The following TENM2 variants were observed in gnomAD, a reference collection of about 807,000 sequenced individuals.
TENM2 encodes the protein teneurin transmembrane protein 2.
In TENM2, 52 loss-of-function variants were observed where a neutral mutation model predicts 245.2. The observed-to-expected ratio is 0.21, with a 90% confidence interval of 0.17 to 0.27. TENM2 has a LOEUF of 0.27. Ranked by LOEUF, TENM2 falls within the 10% of genes least tolerant of loss-of-function variation. The probability of loss-of-function intolerance (pLI) is 1.00; values close to 1 mark genes in which losing one functional copy is unlikely to be tolerated. For synonymous variants in TENM2, 1,363 were observed against 1,438.9 expected, an observed-to-expected ratio of 0.95 and a Z score of 1.19; for missense variants, 3,046 against 3,666.8, an observed-to-expected ratio of 0.83 and a Z score of 4.37.
chr5:167,085,643 C>T, the TENM2 span, among the ~76,000 whole-genome samples: 2 of 152,142 alleles, frequency 1.3e-5, no homozygotes, highest in African/African-American at 2.4e-5. Context: ...AAGGATACAT[C>T]ACTGCAAAAG....
chr5:167,127,127 A>G, the TENM2 span, among the ~76,000 whole-genome samples: 1 of 152,158 alleles, frequency 6.6e-6, no homozygotes, highest in African/African-American at 2.4e-5. Flanking sequence ...AAGATGAATA[A>G]TTTTGTCTTA....
At chr5:167,856,973 A>G (rs1003971476) in intron 2 of TENM2, among the ~76,000 whole-genome samples, 2 of 152,230 alleles carry the variant, frequency 1.3e-5, no homozygotes, top group African/African-American at 2.4e-5. Context: ...TTCTGTGCAC[A>G]TGTACTTTGT....
At chr5:167,052,898 G>A in the TENM2 span, among the ~76,000 whole-genome samples, 9 of 151,928 alleles carry the variant, frequency 5.9e-5, no homozygotes, top group Non-Finnish European at 1.0e-4. Context: ...TGACATTCAT[G>A]TTATCTTCCT....
At chr5:167,759,467 G>A (rs1582933641) in intron 2 of TENM2, among the ~76,000 whole-genome samples, 1 of 152,234 alleles carries the variant, frequency 6.6e-6, no homozygotes, top group East Asian at 1.9e-4. Context: ...ATTTTCTCAA[G>A]CCTTGCACGC....
chr5:167,349,444 C>G (rs913528196), intron 1 of TENM2, among the ~76,000 whole-genome samples: 1 of 152,120 alleles, frequency 6.6e-6, no homozygotes, highest in African/African-American at 2.4e-5. Context: ...TGCAGTGTGC[C>G]ACACCATCCC....
At position 168,156,247 on chromosome 5, in the gene TENM2, T is replaced by TA. The variant is rs58825054; in HGVS notation, c.2423-6345dup. ...ACCAGGTTAAGGTTTTCCCCATAGTTAAAAAAAAAAAAAAAAAAACACTTT... is the reference window on the plus strand; with the variant it reads ...ACCAGGTTAAGGTTTTCCCCATAGTTAAAAAAAAAAAAAAAAAAAACACTTT... On this transcript the variant is annotated intron_variant, in intron 12 of 28. Coordinates refer to ENST00000518659, the Ensembl canonical transcript of TENM2. Among the ~76,000 whole-genome samples the TA allele has an allele frequency of 9.0e-3, 731 of 80,790 alleles. 11 individuals are homozygous for TA. Among genetic ancestry groups the TA allele is most frequent in the Middle Eastern group, 0.061 (4 of 66 alleles). The allele number at this position is 80,790 out of a possible 152,430, so 53.0% of individuals were successfully genotyped here.
At chr5:167,303,124 C>T (rs1209032090) in intron 1 of TENM2, 2 of 163,846 alleles carry the variant, frequency 1.2e-5, no homozygotes. Context: ...GCCGCTTACC[C>T]GATTTAAAAT....
chr5:167,207,761 T>A, the TENM2 span, among the ~76,000 whole-genome samples: 7 of 152,344 alleles, frequency 4.6e-5, no homozygotes, highest in Middle Eastern at 6.8e-3. Flanking sequence ...ATTCTCTTTT[T>A]TCTTTTTTTG....
At chr5:167,743,825 C>A (rs1761374140) in intron 2 of TENM2, among the ~76,000 whole-genome samples, 1 of 152,156 alleles carries the variant, frequency 6.6e-6, no homozygotes, top group African/African-American at 2.4e-5. Context: ...TAATCAGCCC[C>A]TACTGAAGCG....
the TENM2 span, among the ~76,000 whole-genome samples, chr5:167,092,321 T>C: frequency 2.0e-5 from 3 of 151,444 alleles, no homozygotes; most frequent in East Asian, 5.8e-4. Flanking sequence ...GTCGGCAGAG[T>C]TGAGTGATTG....
the TENM2 span, among the ~76,000 whole-genome samples, chr5:167,085,670 C>G: frequency 3.9e-5 from 6 of 152,168 alleles, no homozygotes; most frequent in African/African-American, 1.4e-4. Context: ...GATTCAAAAG[C>G]TCCTGTCTTT....
intron 2 of TENM2, among the ~76,000 whole-genome samples, chr5:167,650,903 A>G (rs1287990789): frequency 6.6e-6 from 1 of 152,126 alleles, no homozygotes; most frequent in Non-Finnish European, 1.5e-5. Context: ...AAGTTGAAAG[A>G]TAAAGCTAAC....
At chr5:168,076,977 C>T (rs543972697) in intron 7 of TENM2, among the ~76,000 whole-genome samples, 3 of 152,182 alleles carry the variant, frequency 2.0e-5, no homozygotes, top group Non-Finnish European at 4.4e-5. Context: ...TAAGAGTGTC[C>T]TCTTTGAAGC....
the TENM2 span, among the ~76,000 whole-genome samples, chr5:167,163,290 T>A: frequency 1.3e-5 from 2 of 152,212 alleles, no homozygotes; most frequent in South Asian, 4.2e-4. Context: ...CAGGGTCTTG[T>A]GATGTTGCTC....
intron 14 of TENM2, among the ~76,000 whole-genome samples, chr5:168,191,566 A>G (rs1246296367): frequency 1.3e-5 from 2 of 152,048 alleles, no homozygotes; most frequent in Non-Finnish European, 2.9e-5. Flanking sequence ...AAACTTCTAG[A>G]TACTAGGAAC....
intron 2 of TENM2, among the ~76,000 whole-genome samples, chr5:167,456,640 A>G (rs1006794315): frequency 6.6e-6 from 1 of 152,178 alleles, no homozygotes; most frequent in Non-Finnish European, 1.5e-5. Flanking sequence ...ATTTCAGAGT[A>G]TTTCTTTTTA....
chr5:167,705,659 C>G (rs902015467), intron 2 of TENM2, among the ~76,000 whole-genome samples: 3 of 152,134 alleles, frequency 2.0e-5, no homozygotes, highest in African/African-American at 7.2e-5. Context: ...AGTGCTCCCT[C>G]TGCTCCAAAC....
At chr5:168,224,667 A>G (rs929529479) in intron 23 of TENM2, among the ~76,000 whole-genome samples, 1 of 152,150 alleles carries the variant, frequency 6.6e-6, no homozygotes, top group African/African-American at 2.4e-5. Flanking sequence ...CACAAGCTCC[A>G]GTTCCCATCC....
At chr5:167,851,380 A>G (rs1770565104) in intron 2 of TENM2, among the ~76,000 whole-genome samples, 1 of 152,178 alleles carries the variant, frequency 6.6e-6, no homozygotes, top group South Asian at 2.1e-4. Context: ...GTGTATATTT[A>G]TATATCCAAA....
Sources: gnomAD v4.1 joint callset for allele counts (sites outside exome capture counted in the v4.1 genomes callset) on GRCh38, gnomAD v4.1.1 for gene constraint, MANE v1.5 for transcripts, NCBI Gene and HGNC (gene_info 2026-07-23, HGNC 2026-07-21) for gene names.